The following GLB1 variants were observed in gnomAD, a reference collection of about 807,000 sequenced individuals.
The protein encoded by GLB1 is galactosidase beta 1, also known as beta-galactosidase.
A neutral mutation model predicts 74.0 loss-of-function variants in GLB1; 56 were observed. That is an observed-to-expected ratio of 0.76 (90% CI 0.61 to 0.94). The LOEUF (loss-of-function observed/expected upper bound fraction) is 0.94, where lower values mean the gene tolerates loss of function less well. Among genes scored for constraint, GLB1 ranks in the 40% least tolerant of loss-of-function variants. GLB1 has a pLI of 0.00. For synonymous variants in GLB1, 323 were observed against 323.6 expected, an observed-to-expected ratio of 1.00 and a Z score of 0.02; for missense variants, 787 against 845.5, an observed-to-expected ratio of 0.93 and a Z score of 0.86.
At chr3:33,006,267 T>C (rs1266119931) in intron 15 of GLB1, among the ~76,000 whole-genome samples, 1 of 152,242 alleles carries the variant, frequency 6.6e-6, no homozygotes, top group Non-Finnish European at 1.5e-5. Context: ...CGCCACCTCC[T>C]GTCAGATCGG....
chr3:33,068,324 G>A, intron 3 of GLB1, 34 bp from the exon 4 acceptor site: 2 of 1,613,596 alleles, frequency 1.2e-6, no homozygotes, highest in Non-Finnish European at 8.5e-7. Flanking sequence ...TATAATGTCT[G>A]TTCCGTGAAG....
chr3:32,972,559 C>T, the GLB1 span, among the ~76,000 whole-genome samples: 4 of 152,130 alleles, frequency 2.6e-5, no homozygotes, highest in Admixed American at 2.6e-4. Flanking sequence ...TTGCCTTTTA[C>T]CCCTGTTTAT....
chr3:32,986,195 C>T, the GLB1 span, among the ~76,000 whole-genome samples: 1 of 152,208 alleles, frequency 6.6e-6, no homozygotes, highest in Non-Finnish European at 1.5e-5. Flanking sequence ...TCGTTCAGGT[C>T]TCAGTTTGGA....
chr3:32,991,428 CAT>C, the GLB1 span, among the ~76,000 whole-genome samples: 1 of 152,158 alleles, frequency 6.6e-6, no homozygotes, highest in South Asian at 2.1e-4. Context: ...ACTGGGTGCA[CAT>C]GTGATGATTT....
intron 1 of GLB1, chr3:33,091,183 G>A (rs554794864): frequency 4.1e-6 from 4 of 985,404 alleles, no homozygotes; most frequent in Admixed American, 1.2e-4. Context: ...ACAGTGAAGA[G>A]AGAAAAAAGA....
chr3:33,033,291 T>G (rs374002320), intron 10 of GLB1, among the ~76,000 whole-genome samples: 1 of 152,232 alleles, frequency 6.6e-6, no homozygotes, highest in Non-Finnish European at 1.5e-5. Context: ...ACTGGAGAGA[T>G]AGTTCCCCAA....
chr3:32,966,609 T>A, the GLB1 span, among the ~76,000 whole-genome samples: 1 of 152,130 alleles, frequency 6.6e-6, no homozygotes, highest in Non-Finnish European at 1.5e-5. Flanking sequence ...TGAAAAGGCA[T>A]GATTGGCTTT....
intron 15 of GLB1, among the ~76,000 whole-genome samples, chr3:33,001,997 G>A (rs1696592520): frequency 6.6e-6 from 1 of 151,842 alleles, no homozygotes; most frequent in Non-Finnish European, 1.5e-5. Context: ...ATTATTTTTG[G>A]TGGGGAGGTA....
At chr3:33,085,105 C>T (rs541394191) in intron 1 of GLB1, among the ~76,000 whole-genome samples, 2 of 151,940 alleles carry the variant, frequency 1.3e-5, no homozygotes, top group African/African-American at 4.8e-5. Context: ...GATCCCATCC[C>T]TATAAAAAAT....
At chr3:33,091,513 T>A (rs1700760988) in intron 1 of GLB1, 1 of 985,488 alleles carries the variant, frequency 1.0e-6, no homozygotes, top group African/African-American at 1.7e-5. Context: ...CCAACAGAGT[T>A]CCTTAGCAAG....
chr3:33,072,806 G>T (rs1011768528), intron 1 of GLB1, 93 bp from the exon 2 acceptor site: 1 of 1,561,078 alleles, frequency 6.4e-7, no homozygotes, highest in South Asian at 1.2e-5. Flanking sequence ...TCTGCCTATT[G>T]AATTTGTATA....
downstream of GLB1, among the ~76,000 whole-genome samples, chr3:32,993,203 G>A (rs78047456): frequency 3.9e-5 from 6 of 152,224 alleles, no homozygotes; most frequent in Non-Finnish European, 8.8e-5. Context: ...ACCCCACCTC[G>A]GATTAGCATT....
Position 33,097,119 on chromosome 3 carries a change from C to T in GLB1, c.-34G>A, listed in dbSNP as rs1701069302. On this transcript the variant is annotated 5_prime_UTR_variant, in exon 1 of 16. Coordinates refer to ENST00000307363, the MANE Select transcript of GLB1 (RefSeq NM_000404.4). ...GCCTCCCGGCTCTGCAGTCGGCGCC[C>T]AGGCCGGCCGCTTCGCGTCACTTGA... 1.2e-6 allele frequency: 2 copies of T among 1,608,982 alleles called. No individual in the cohort carries two copies. The highest frequency in any genetic ancestry group is 1.3e-5 in the African/African-American group (1 of 74,674).
intron 12 of GLB1, among the ~76,000 whole-genome samples, chr3:33,019,959 AG>A (rs1282697378): frequency 6.6e-6 from 1 of 152,164 alleles, no homozygotes; most frequent in African/African-American, 2.4e-5. Context: ...CCAATCTGAG[AG>A]CACTACCTTG....
intron 1 of GLB1, among the ~76,000 whole-genome samples, chr3:33,094,937 A>C (rs1032133650): frequency 1.3e-5 from 2 of 152,232 alleles, no homozygotes; most frequent in South Asian, 4.1e-4. Context: ...AGGGCTGGGC[A>C]CAGTGGCTGA....
the GLB1 span, among the ~76,000 whole-genome samples, chr3:32,990,268 A>G: frequency 6.6e-6 from 1 of 151,946 alleles, no homozygotes; most frequent in Non-Finnish European, 1.5e-5. Context: ...ACCTGGCTCA[A>G]CTCCAGGAAG....
downstream of GLB1, among the ~76,000 whole-genome samples, chr3:32,994,757 C>A (rs1696278359): frequency 6.6e-6 from 1 of 151,942 alleles, no homozygotes; most frequent in African/African-American, 2.4e-5. Flanking sequence ...CCCGTCTCTG[C>A]TAAAAATACA....
chr3:33,051,422 C>T (rs1376141634), intron 9 of GLB1, among the ~76,000 whole-genome samples: 7 of 150,622 alleles, frequency 4.6e-5, no homozygotes, highest in Non-Finnish European at 1.0e-4. Context: ...CATGGTGAAA[C>T]CCCGTCTCTA....
intron 1 of GLB1, among the ~76,000 whole-genome samples, chr3:33,073,966 G>A (rs1699987736): frequency 6.6e-6 from 1 of 150,510 alleles, no homozygotes; most frequent in African/African-American, 2.5e-5. Flanking sequence ...TGAGAGTGCA[G>A]TGAACCGTGT....
Sources: gnomAD v4.1 joint callset for allele counts (sites outside exome capture counted in the v4.1 genomes callset) on GRCh38, gnomAD v4.1.1 for gene constraint, MANE v1.5 for transcripts, NCBI Gene and HGNC (gene_info 2026-07-23, HGNC 2026-07-21) for gene names.